The following UBR3 variants were observed in gnomAD, a reference collection of about 807,000 sequenced individuals.
UBR3 encodes the protein ubiquitin protein ligase E3 component n-recognin 3.
In UBR3, 85 loss-of-function variants were observed where a neutral mutation model predicts 243.2. That is an observed-to-expected ratio of 0.35 (90% confidence interval 0.29 to 0.42). The LOEUF is 0.42. UBR3 is among the 10% of genes least tolerant of loss of function. The probability of loss-of-function intolerance (pLI) is 1.00; values close to 1 mark genes in which losing one functional copy is unlikely to be tolerated. For missense variants in UBR3, 1,686 were observed against 2,300.8 expected (o/e 0.73, Z 5.47); for synonymous variants, 748 against 799.8 (o/e 0.94, Z 1.09).
chr2:169,913,833 A>G (rs1032998843), intron 10 of UBR3, among the ~76,000 whole-genome samples: 30 of 152,132 alleles, frequency 2.0e-4, no homozygotes, highest in Admixed American at 3.9e-4. Context: ...GCTTTCATTC[A>G]TTTTTAGAAA....
At chr2:169,995,760 A>C (rs529638690) in intron 26 of UBR3, among the ~76,000 whole-genome samples, 2 of 152,314 alleles carry the variant, frequency 1.3e-5, no homozygotes, top group African/African-American at 4.8e-5. Flanking sequence ...TTACAAACTT[A>C]GTAGTTTTTT....
rs190509562 is a variant in UBR3, at chr2:169,933,028, T to C, written c.2663+20T>C. On this transcript the variant is annotated intron_variant, in intron 19 of 38. Coordinates refer to ENST00000272793, the MANE Select transcript of UBR3 (RefSeq NM_172070.4). ...TGCATTGTAAGTCCATCAAATTGAT[T>C]AGCATCATAACAGTATTTTATATTT... is the stretch of plus-strand genomic sequence containing the variant. 8.8e-6 allele frequency: 13 copies of C among 1,485,288 alleles called. No individual in the cohort carries two copies. The East Asian group carries it at 3.1e-4, about 36-fold the overall frequency. 92.0% of individuals were successfully genotyped at this position (1,485,288 alleles called of 1,614,324 possible).
rs370622336 is a variant in UBR3 at position 169,985,528 on chromosome 2, G to GC, written c.3635-1115dup. Among the ~76,000 whole-genome samples, 617 of 152,198 alleles carry GC rather than the reference G, an allele frequency of 4.1e-3. 5 individuals are homozygous for GC. The highest frequency in any genetic ancestry group is 0.014 in the African/African-American group (577 of 41,530). On this transcript the variant is annotated intron_variant, in intron 24 of 38. Coordinates refer to ENST00000272793, the MANE Select transcript of UBR3 (RefSeq NM_172070.4). ...TTATAGGCATGAGCCACCATGCCCG[G>GC]CCTCATATCAACTCTTAATGGCTTC...
intron 5 of UBR3, among the ~76,000 whole-genome samples, chr2:169,887,226 G>A: frequency 6.6e-6 from 1 of 152,192 alleles, no homozygotes; most frequent in East Asian, 1.9e-4. Flanking sequence ...TGAAACACAT[G>A]TAGCAATAGT....
chr2:169,890,579 A>ATGTGTGTGTG (rs1553504576), intron 5 of UBR3, among the ~76,000 whole-genome samples: 15 of 61,216 alleles, frequency 2.5e-4, no homozygotes, highest in Non-Finnish European at 3.8e-4. Flanking sequence ...ATATATATAT[A>ATGTGTGTGTG]TGTATATATA....
chr2:169,875,422 A>G (rs1031013617), intron 2 of UBR3, among the ~76,000 whole-genome samples: 4 of 152,244 alleles, frequency 2.6e-5, no homozygotes, highest in African/African-American at 9.6e-5. Flanking sequence ...CTTCACCTCC[A>G]GGCTTAAGCC....
chr2:169,983,173 G>A (rs1332430437), intron 24 of UBR3, among the ~76,000 whole-genome samples: 3 of 151,072 alleles, frequency 2.0e-5, no homozygotes, highest in Non-Finnish European at 3.0e-5. Context: ...GAGAGTGAGA[G>A]CAGGAGAGAG....
Position 169,877,595 on chromosome 2 carries a change from G to A in UBR3, c.946G>A (p.Val316Met), listed in dbSNP as rs1259429018. 1 of 1,548,728 alleles carries A rather than the reference G, an allele frequency of 6.5e-7. No individual in the cohort carries two copies. The highest frequency in any genetic ancestry group is 1.2e-5 in the South Asian group (1 of 83,080). Residue 316 changes from valine (V) to methionine (M), a missense_variant, in exon 4 of 39, where the codon GTG (valine) becomes ATG (methionine). Physicochemically the swap from Val to Met is conservative, Grantham distance 21. This residue lies in a region of UBR3 where 200 missense variants were observed against 231.6 expected (regional missense o/e 0.86). Coordinates refer to ENST00000272793, the MANE Select transcript of UBR3 (RefSeq NM_172070.4). ...TCCTGAGGATAAGCTTGTATATGGT[G>A]TGCAGGAGCCATCTGCTGGTACTAG... ...TYPEDKLVYG[V>M]QEPSAGTSSL...
chr2:169,903,449 T>G (rs2084903956), intron 8 of UBR3, among the ~76,000 whole-genome samples: 1 of 152,098 alleles, frequency 6.6e-6, no homozygotes, highest in Non-Finnish European at 1.5e-5. Flanking sequence ...TGGCCAGGGG[T>G]TAGTATAAAT....
At chr2:170,030,906 T>A (rs2090650653) in intron 31 of UBR3, among the ~76,000 whole-genome samples, 2 of 152,194 alleles carry the variant, frequency 1.3e-5, no homozygotes, top group African/African-American at 4.8e-5. Context: ...CATTTCTTTT[T>A]ATGAAGTCTC....
chr2:169,930,381 G>GT (rs575190231), intron 18 of UBR3, among the ~76,000 whole-genome samples: 6,955 of 146,038 alleles, frequency 0.048, 177 homozygotes, highest in Middle Eastern at 0.074. Flanking sequence ...GAAATTAGTT[G>GT]TTTTTTTTTT....
chr2:169,984,502 A>G (rs1025543691), intron 24 of UBR3, among the ~76,000 whole-genome samples: 1 of 152,192 alleles, frequency 6.6e-6, no homozygotes, highest in Admixed American at 6.5e-5. Flanking sequence ...AACAATTTAC[A>G]TACAGTATGT....
chr2:169,964,934 A>C (rs1198427638), intron 24 of UBR3: 2 of 456,838 alleles, frequency 4.4e-6, no homozygotes, highest in Non-Finnish European at 8.8e-6. Context: ...ACTTTCTCCC[A>C]GTCTCGGTTC....
intron 1 of UBR3, among the ~76,000 whole-genome samples, chr2:169,831,935 C>CT (rs2081953830): frequency 1.3e-5 from 2 of 152,076 alleles, no homozygotes; most frequent in South Asian, 4.2e-4. Context: ...GGAAGGATTC[C>CT]TTTTTTTCAG....
intron 30 of UBR3, among the ~76,000 whole-genome samples, chr2:170,023,920 T>C (rs1005714691): frequency 6.6e-6 from 1 of 152,138 alleles, no homozygotes; most frequent in Non-Finnish European, 1.5e-5. Context: ...ACCATGTTGG[T>C]CTCGATCTCC....
chr2:169,919,064 T>C (rs1174145354), intron 11 of UBR3, among the ~76,000 whole-genome samples: 1 of 152,040 alleles, frequency 6.6e-6, no homozygotes, highest in Non-Finnish European at 1.5e-5. Flanking sequence ...AGTAATCCAG[T>C]GGGAGAAGGG....
intron 26 of UBR3, among the ~76,000 whole-genome samples, chr2:169,997,741 G>A (rs867839280): frequency 2.0e-5 from 3 of 152,078 alleles, no homozygotes; most frequent in African/African-American, 7.2e-5. Flanking sequence ...AACAAGAGGG[G>A]ACCTGAAGTG....
At chr2:169,970,623 T>G (rs1214181660) in intron 24 of UBR3, among the ~76,000 whole-genome samples, 2 of 117,266 alleles carry the variant, frequency 1.7e-5, no homozygotes, top group African/African-American at 6.0e-5. Flanking sequence ...TGATTTCCAA[T>G]TTCATCCATG....
chr2:169,968,101 A>T (rs11695282), intron 24 of UBR3, among the ~76,000 whole-genome samples: 14,694 of 152,118 alleles, frequency 0.097, 1,058 homozygotes, highest in Admixed American at 0.18. Context: ...TAATAACTAC[A>T]TATTTATGAG....
Sources: gnomAD v4.1 joint callset for allele counts (sites outside exome capture counted in the v4.1 genomes callset) on GRCh38, gnomAD v4.1.1 for gene constraint, gnomAD v4.1.1 regional missense constraint, MANE v1.5 for transcripts, NCBI Gene and HGNC (gene_info 2026-07-23, HGNC 2026-07-21) for gene names.